Variants in PPARGC1A observed in about 807,000 individuals in gnomAD.
The protein encoded by PPARGC1A is PPARG coactivator 1 alpha, also known as peroxisome proliferator-activated receptor gamma coactivator 1-alpha.
In PPARGC1A, 25 loss-of-function variants were observed where a neutral mutation model predicts 88.7. The ratio of observed to expected loss-of-function variants is 0.28; its 90% CI spans 0.21 to 0.39. The LOEUF is 0.39. Ranked by LOEUF, PPARGC1A falls within the 10% of genes least tolerant of loss-of-function variation. The probability of loss-of-function intolerance (pLI) is 1.00; values close to 1 mark genes in which losing one functional copy is unlikely to be tolerated. For synonymous variants in PPARGC1A, 363 were observed against 355.6 expected, an observed-to-expected ratio of 1.02 and a Z score of -0.24; for missense variants, 880 against 968.7, an observed-to-expected ratio of 0.91 and a Z score of 1.22.
chr4:23,806,791 C>G (rs1034915520), intron 10 of PPARGC1A, among the ~76,000 whole-genome samples: 3 of 152,164 alleles, frequency 2.0e-5, no homozygotes, highest in African/African-American at 7.2e-5. Flanking sequence ...TTCCCAGTTA[C>G]TGGAGGAAAA....
chr4:24,458,321 G>A, the PPARGC1A span, among the ~76,000 whole-genome samples: 1 of 152,002 alleles, frequency 6.6e-6, no homozygotes, highest in Non-Finnish European at 1.5e-5. Context: ...GGAACATGGC[G>A]AAACCCCATC....
chr4:24,197,830 A>T, the PPARGC1A span, among the ~76,000 whole-genome samples: 1 of 152,176 alleles, frequency 6.6e-6, no homozygotes, highest in Admixed American at 6.5e-5. Flanking sequence ...GAATTAGCTA[A>T]CATCCCTTTT....
the PPARGC1A span, among the ~76,000 whole-genome samples, chr4:24,430,663 T>C: frequency 6.6e-6 from 1 of 152,130 alleles, no homozygotes; most frequent in Admixed American, 6.5e-5. Context: ...GGTGTTTTTT[T>C]AACTGGGAAG....
chr4:24,223,535 C>T, the PPARGC1A span, among the ~76,000 whole-genome samples: 1 of 152,178 alleles, frequency 6.6e-6, no homozygotes, highest in Non-Finnish European at 1.5e-5. Flanking sequence ...CAGGCATAAG[C>T]CACTGCGCCT....
chr4:24,317,093 T>C, the PPARGC1A span, among the ~76,000 whole-genome samples: 5 of 152,170 alleles, frequency 3.3e-5, no homozygotes, highest in Non-Finnish European at 7.4e-5. Context: ...ATCCCCATTA[T>C]ACAGATGAGG....
the PPARGC1A span, among the ~76,000 whole-genome samples, chr4:24,149,744 G>C: frequency 6.6e-6 from 1 of 152,166 alleles, no homozygotes; most frequent in African/African-American, 2.4e-5. Flanking sequence ...CAAATCCCGA[G>C]CAGCGTGGAA....
chr4:24,099,676 T>C, the PPARGC1A span, among the ~76,000 whole-genome samples: 1 of 152,194 alleles, frequency 6.6e-6, no homozygotes, highest in Non-Finnish European at 1.5e-5. Flanking sequence ...TTGGTTTACG[T>C]ACTTGTAACA....
the PPARGC1A span, among the ~76,000 whole-genome samples, chr4:23,960,976 A>T: frequency 6.6e-6 from 1 of 152,156 alleles, no homozygotes; most frequent in Non-Finnish European, 1.5e-5. Context: ...TGCATTAATT[A>T]TGTTTCTATG....
chr4:23,803,737 G>C (rs1373387211), intron 10 of PPARGC1A, among the ~76,000 whole-genome samples: 1 of 152,190 alleles, frequency 6.6e-6, no homozygotes, highest in Non-Finnish European at 1.5e-5. Context: ...TAAGGTTGCA[G>C]AGATTTAAGC....
the PPARGC1A span, among the ~76,000 whole-genome samples, chr4:24,207,465 G>C: frequency 6.6e-6 from 1 of 152,168 alleles, no homozygotes; most frequent in East Asian, 1.9e-4. Flanking sequence ...GAAAATGGTG[G>C]AAATTTTCCC....
At chr4:24,370,749 C>CTCT in the PPARGC1A span, among the ~76,000 whole-genome samples, 1 of 62,868 alleles carries the variant, frequency 1.6e-5, no homozygotes, top group Non-Finnish European at 2.8e-5. Flanking sequence ...CTGTCTCTCT[C>CTCT]TTTTTTTTTT....
chr4:24,134,339 T>G, the PPARGC1A span, among the ~76,000 whole-genome samples: 19 of 152,254 alleles, frequency 1.2e-4, no homozygotes, highest in Non-Finnish European at 2.8e-4. Flanking sequence ...CCTAAACTTA[T>G]TCCTTCTTTT....
the PPARGC1A span, among the ~76,000 whole-genome samples, chr4:24,441,319 C>T: frequency 3.9e-5 from 6 of 152,184 alleles, no homozygotes; most frequent in South Asian, 2.1e-4. Flanking sequence ...CTTGTAATAA[C>T]CTAATTGTTT....
chr4:24,380,786 C>T, the PPARGC1A span, among the ~76,000 whole-genome samples: 1 of 151,878 alleles, frequency 6.6e-6, no homozygotes, highest in Admixed American at 6.5e-5. Flanking sequence ...TCCCAGGTTT[C>T]TAGACTGGGT....
At chr4:24,232,404 G>C in the PPARGC1A span, among the ~76,000 whole-genome samples, 2 of 152,142 alleles carry the variant, frequency 1.3e-5, no homozygotes. Flanking sequence ...GACTCTATTA[G>C]CTCCATATAC....
intron 12 of PPARGC1A, among the ~76,000 whole-genome samples, chr4:23,800,774 G>A (rs1718524025): frequency 6.6e-6 from 1 of 151,344 alleles, no homozygotes; most frequent in Non-Finnish European, 1.5e-5. Flanking sequence ...TTTACCCCTT[G>A]AGTCTGTACA....
the PPARGC1A span, among the ~76,000 whole-genome samples, chr4:24,316,132 T>G: frequency 6.6e-6 from 1 of 152,206 alleles, no homozygotes; most frequent in Admixed American, 6.5e-5. Flanking sequence ...CATGAATGTT[T>G]TCATCTATGT....
the PPARGC1A span, among the ~76,000 whole-genome samples, chr4:24,343,830 G>A: frequency 2.0e-4 from 31 of 151,862 alleles, no homozygotes; most frequent in Middle Eastern, 6.8e-3. Flanking sequence ...TGAGATTGTG[G>A]TGCACCCATC....
At chr4:24,323,421 A>G in the PPARGC1A span, among the ~76,000 whole-genome samples, 2 of 152,282 alleles carry the variant, frequency 1.3e-5, no homozygotes, top group South Asian at 2.1e-4. Context: ...ACATTCCACC[A>G]TTGTGATTTG....
Sources: gnomAD v4.1 joint callset for allele counts (sites outside exome capture counted in the v4.1 genomes callset) on GRCh38, gnomAD v4.1.1 for gene constraint, MANE v1.5 for transcripts, NCBI Gene and HGNC (gene_info 2026-07-23, HGNC 2026-07-21) for gene names.